Variants in TRIP12 observed in about 807,000 individuals in gnomAD.
The protein encoded by TRIP12 is thyroid hormone receptor interactor 12, also known as E3 ubiquitin-protein ligase TRIP12.
Under a neutral mutation model 244.2 loss-of-function variants are expected in TRIP12, and 25 were observed. That is an observed-to-expected ratio of 0.10 (90% CI 0.07 to 0.14). The LOEUF (loss-of-function observed/expected upper bound fraction) is 0.14. TRIP12 is among the 10% of genes least tolerant of loss of function. TRIP12 has a pLI of 1.00. For synonymous variants in TRIP12, 905 were observed against 873.1 expected (o/e 1.04, Z -0.64); for missense variants, 1,677 against 2,486.4 (o/e 0.67, Z 6.92).
intron 1 of TRIP12, among the ~76,000 whole-genome samples, chr2:229,914,756 T>C (rs2075053444): frequency 6.6e-6 from 1 of 152,166 alleles, no homozygotes; most frequent in African/African-American, 2.4e-5. Context: ...TTGATTAAAA[T>C]ACACACTGAA....
At chr2:229,900,446 T>G (rs1396557489) in intron 1 of TRIP12, among the ~76,000 whole-genome samples, 2 of 152,158 alleles carry the variant, frequency 1.3e-5, no homozygotes, top group African/African-American at 4.8e-5. Flanking sequence ...TAAAGAGAAA[T>G]CCAAATAACA....
intron 39 of TRIP12, 143 bp from the exon 40 acceptor site, chr2:229,769,468 A>AAAT (rs1553568472): frequency 6.6e-5 from 27 of 407,886 alleles, no homozygotes; most frequent in African/African-American, 4.0e-4. Flanking sequence ...AAAAAAAAAA[A>AAAT]AATAATAATA....
At chr2:229,867,077 T>C (rs186264992) in intron 2 of TRIP12, among the ~76,000 whole-genome samples, 56 of 149,112 alleles carry the variant, frequency 3.8e-4, no homozygotes, top group African/African-American at 1.4e-3. Flanking sequence ...AGTATATATA[T>C]ATACACACAC....
chr2:229,796,996 AATAAC>A (rs2042978262), intron 24 of TRIP12, among the ~76,000 whole-genome samples: 1 of 152,124 alleles, frequency 6.6e-6, no homozygotes, highest in Non-Finnish European at 1.5e-5. Flanking sequence ...AGGAATCCAT[AATAAC>A]ATAAGAAGAA....
At chr2:229,887,283 C>G (rs180919056) in intron 1 of TRIP12, among the ~76,000 whole-genome samples, 1 of 152,270 alleles carries the variant, frequency 6.6e-6, no homozygotes, top group Non-Finnish European at 1.5e-5. Flanking sequence ...AAAAAGGTGG[C>G]TAACTTTGCC....
chr2:229,782,599 T>C (rs138974876), intron 34 of TRIP12, among the ~76,000 whole-genome samples: 4 of 152,226 alleles, frequency 2.6e-5, no homozygotes, highest in Admixed American at 2.0e-4. Flanking sequence ...TGCAGTATAC[T>C]TTCCAGTACA....
At position 229,813,908 on chromosome 2, in the gene TRIP12, C is replaced by A; in HGVS notation, c.1948G>T (p.Asp650Tyr). 1 of 1,586,350 alleles carries A rather than the reference C, an allele frequency of 6.3e-7. No individual in the cohort carries two copies. The highest frequency in any genetic ancestry group is 1.1e-5 in the South Asian group (1 of 87,428). The change falls in exon 13 of 42, where the codon GAT becomes TAT. Residue 650 changes from aspartate to tyrosine, a missense_variant. Physicochemically the swap from Asp to Tyr is radical, Grantham distance 160 (BLOSUM62 -3). Coordinates refer to ENST00000675903, the MANE Select transcript of TRIP12 (RefSeq NM_001348323.3). ...CTTTGGGTTAGCAATGGGAGTGAAT[C>A]TGCCACAAAATGAAATTCATCTGGC... ...ITPDEFHFVA[D>Y]SLPLLTQRLT...
chr2:229,905,214 C>T lies in TRIP12; in HGVS notation c.-50+16666G>A, dbSNP rs543915888. On this transcript the variant is annotated intron_variant, in intron 1 of 41. Coordinates refer to ENST00000675903, the MANE Select transcript of TRIP12 (RefSeq NM_001348323.3). ...GCCTGAACCTGGGAGGCAGACGTTG[C>T]GGTGAGCCGAGATCGCGCCATTGCA... Among the ~76,000 whole-genome samples, 128 of 149,578 alleles carry T rather than the reference C, an allele frequency of 8.6e-4. No homozygotes were observed. The South Asian group carries it at 0.014, about 17-fold the overall frequency.
intron 2 of TRIP12, among the ~76,000 whole-genome samples, chr2:229,874,286 A>G (rs990200790): frequency 2.0e-5 from 3 of 152,190 alleles, no homozygotes; most frequent in Non-Finnish European, 4.4e-5. Context: ...TAAAAAGGGT[A>G]TGCTCTATTG....
chr2:229,890,590 G>C (rs2067108179), intron 1 of TRIP12, among the ~76,000 whole-genome samples: 1 of 152,162 alleles, frequency 6.6e-6, no homozygotes, highest in Non-Finnish European at 1.5e-5. Flanking sequence ...TTATAGTTAA[G>C]GTGGGGGAAA....
chr2:229,787,939 A>G (rs2040496765), intron 32 of TRIP12, among the ~76,000 whole-genome samples: 1 of 152,084 alleles, frequency 6.6e-6, no homozygotes, highest in African/African-American at 2.4e-5. Context: ...AGTAGCTGGG[A>G]TTACAGGCTC....
intron 4 of TRIP12, among the ~76,000 whole-genome samples, chr2:229,852,937 G>A (rs1017979080): frequency 6.6e-6 from 1 of 152,094 alleles, no homozygotes; most frequent in Admixed American, 6.6e-5. Flanking sequence ...CAAATTATTG[G>A]GTTAAGAAGT....
intron 38 of TRIP12, among the ~76,000 whole-genome samples, chr2:229,772,202 C>T (rs140205813): frequency 6.6e-6 from 1 of 152,300 alleles, no homozygotes; most frequent in Non-Finnish European, 1.5e-5. Flanking sequence ...TCATCACTGA[C>T]TTTGGGTAGC....
At position 229,778,844 on chromosome 2, in the gene TRIP12, C is replaced by T; in HGVS notation, c.5209+32G>A. 1 of 1,595,016 alleles carries T rather than the reference C, an allele frequency of 6.3e-7. No homozygotes were observed. Among genetic ancestry groups the T allele is most frequent in the South Asian group, 1.1e-5 (1 of 90,642 alleles). ...AGAGTCCATTACCTGATCTGAGTAA[C>T]ACAAACCAACTAACTTACAGATAGG... On this transcript the variant is annotated intron_variant, in intron 35 of 41. Coordinates refer to ENST00000675903, the MANE Select transcript of TRIP12 (RefSeq NM_001348323.3). The surrounding 1 kb of genome is among the most constrained non-coding windows in gnomAD (Gnocchi z 4.1).
intron 1 of TRIP12, among the ~76,000 whole-genome samples, chr2:229,908,698 A>T (rs1428898326): frequency 1.3e-5 from 2 of 150,070 alleles, no homozygotes; most frequent in African/African-American, 4.9e-5. Context: ...GCGCCACTAC[A>T]CTCCAGCCTG....
rs536234705 is a variant in TRIP12 at position 229,808,136 on chromosome 2, T to C, written c.2339+116A>G. 12 of 816,126 alleles carry C rather than the reference T, an allele frequency of 1.5e-5. No homozygotes were observed. The East Asian group carries it at 3.1e-4, about 21-fold the overall frequency. 50.6% of individuals were successfully genotyped at this position (816,126 alleles called of 1,614,324 possible). A position where few individuals can be genotyped will look rare whatever the true frequency, so the allele number is the denominator to read the frequency against. On this transcript the variant is annotated intron_variant, in intron 16 of 41. Coordinates refer to ENST00000675903, the MANE Select transcript of TRIP12 (RefSeq NM_001348323.3). ...CGCCCGCCACTACGCCCAGGTAATT[T>C]TTTGTATTTTTAGTAGAGACGGGTT...
upstream of TRIP12, chr2:229,922,553 G>C (rs759036863): frequency 2.8e-5 from 45 of 1,613,958 alleles, no homozygotes; most frequent in African/African-American, 3.7e-4. Context: ...TGAAACTGTA[G>C]GACAAGGCCC....
chr2:229,842,056 T>G (rs1440017360), intron 4 of TRIP12, among the ~76,000 whole-genome samples: 1 of 152,202 alleles, frequency 6.6e-6, no homozygotes, highest in Admixed American at 6.5e-5. Context: ...ACAGAAGCTA[T>G]AAAGATAAAA....
Position 229,836,837 on chromosome 2 carries a change from TA to T in TRIP12, c.1270+10del. ...AGAAACGCATTTTAAAGCTAAGAAG[TA>T]CCAATCTACCTGCAGCTCCTTGGGG... On this transcript the variant is annotated intron_variant, in intron 6 of 41. Transcript: ENST00000675903. 1.3e-6 allele frequency: 2 copies of T among 1,585,562 alleles called. No homozygotes were observed. The highest frequency in any genetic ancestry group is 1.7e-6 in the Non-Finnish European group (2 of 1,171,178).
Sources: gnomAD v4.1 joint callset for allele counts (sites outside exome capture counted in the v4.1 genomes callset) on GRCh38, gnomAD v4.1.1 for gene constraint, Gnocchi (gnomAD v3.1) non-coding constraint, MANE v1.5 for transcripts, NCBI Gene and HGNC (gene_info 2026-07-23, HGNC 2026-07-21) for gene names.